Variants in AGBL4 observed in about 807,000 individuals in gnomAD.
AGBL4 encodes cytosolic carboxypeptidase 6.
A neutral mutation model predicts 66.4 loss-of-function variants in AGBL4; 58 were observed. The ratio of observed to expected loss-of-function variants is 0.87; its 90% CI spans 0.71 to 1.09. The LOEUF is 1.09. AGBL4 is among the 50% of genes least tolerant of loss of function. The probability of loss-of-function intolerance (pLI) is 0.00; values close to 1 mark genes in which losing one functional copy is unlikely to be tolerated. For missense variants in AGBL4, 579 were observed against 631.0 expected (o/e 0.92, Z 0.88); for synonymous variants, 234 against 222.9 (o/e 1.05, Z -0.44).
chr1:48,581,660 T>C (rs1312749337), intron 11 of AGBL4, among the ~76,000 whole-genome samples: 1 of 152,188 alleles, frequency 6.6e-6, no homozygotes, highest in Admixed American at 6.5e-5. Context: ...GAATTTATCA[T>C]TTCACAAAAA....
At chr1:48,718,845 T>C (rs991462240) in intron 6 of AGBL4, among the ~76,000 whole-genome samples, 1 of 152,148 alleles carries the variant, frequency 6.6e-6, no homozygotes, top group Non-Finnish European at 1.5e-5. Context: ...TGTGACACCC[T>C]AACTAAGTGC....
chr1:49,936,400 T>G (rs1163896600), intron 1 of AGBL4, among the ~76,000 whole-genome samples: 1 of 152,084 alleles, frequency 6.6e-6, no homozygotes, highest in Admixed American at 6.6e-5. Flanking sequence ...GGAACCAAGT[T>G]GGAAAACACT....
intron 6 of AGBL4, among the ~76,000 whole-genome samples, chr1:48,765,234 T>C (rs1644473139): frequency 6.6e-6 from 1 of 152,130 alleles, no homozygotes; most frequent in South Asian, 2.1e-4. Context: ...CATAGAACTA[T>C]CCATACAATA....
At chr1:48,687,436 G>A (rs1646552498) in intron 6 of AGBL4, among the ~76,000 whole-genome samples, 1 of 152,204 alleles carries the variant, frequency 6.6e-6, no homozygotes, top group African/African-American at 2.4e-5. Flanking sequence ...AGTCTGTGCT[G>A]CGGCACCCCC....
intron 2 of AGBL4, among the ~76,000 whole-genome samples, chr1:49,702,937 C>T (rs1647127993): frequency 6.6e-6 from 1 of 152,040 alleles, no homozygotes; most frequent in African/African-American, 2.4e-5. Flanking sequence ...AGGGACCTTC[C>T]TCAAACTCAT....
intron 11 of AGBL4, among the ~76,000 whole-genome samples, chr1:48,574,335 C>T (rs1644614886): frequency 6.6e-6 from 1 of 152,042 alleles, no homozygotes; most frequent in African/African-American, 2.4e-5. Flanking sequence ...CCTTCTCTGA[C>T]CCTTGAATTC....
At chr1:49,095,159 A>G (rs1290784316) in intron 4 of AGBL4, among the ~76,000 whole-genome samples, 2 of 152,228 alleles carry the variant, frequency 1.3e-5, no homozygotes, top group East Asian at 3.8e-4. Flanking sequence ...GGAGAACTAC[A>G]AACCACTGCT....
intron 4 of AGBL4, among the ~76,000 whole-genome samples, chr1:49,057,654 T>G (rs1325201247): frequency 6.6e-6 from 1 of 152,226 alleles, no homozygotes; most frequent in East Asian, 1.9e-4. Flanking sequence ...TCATCTTTTT[T>G]GTTTTAGCTG....
intron 5 of AGBL4, among the ~76,000 whole-genome samples, chr1:48,919,628 C>A (rs996409525): frequency 6.6e-6 from 1 of 152,184 alleles, no homozygotes; most frequent in Non-Finnish European, 1.5e-5. Context: ...GCAGTACTGA[C>A]AATGTGGATC....
At chr1:49,051,358 C>T (rs1365953420) in intron 4 of AGBL4, among the ~76,000 whole-genome samples, 1 of 152,146 alleles carries the variant, frequency 6.6e-6, no homozygotes, top group African/African-American at 2.4e-5. Flanking sequence ...ATGCTAAGCA[C>T]ATATTCTTCC....
intron 3 of AGBL4, among the ~76,000 whole-genome samples, chr1:49,369,436 C>A (rs760454693): frequency 5.4e-4 from 82 of 152,150 alleles, no homozygotes; most frequent in Non-Finnish European, 5.6e-4. Flanking sequence ...ATGAAACAAT[C>A]ATTTTCAGAT....
At chr1:49,048,069 T>A (rs1644123636) in intron 4 of AGBL4, among the ~76,000 whole-genome samples, 1 of 152,136 alleles carries the variant, frequency 6.6e-6, no homozygotes. Flanking sequence ...GGGGAGAATG[T>A]CTGTGAAAAT....
chr1:49,767,165 C>G (rs1176770128), intron 2 of AGBL4, among the ~76,000 whole-genome samples: 1 of 152,218 alleles, frequency 6.6e-6, no homozygotes, highest in South Asian at 2.1e-4. Context: ...TCCTTCTTAT[C>G]TGAACACTGA....
intron 4 of AGBL4, among the ~76,000 whole-genome samples, chr1:49,240,594 C>T (rs1200930643): frequency 6.9e-6 from 1 of 145,558 alleles, no homozygotes; most frequent in Non-Finnish European, 1.5e-5. Context: ...TAGTCCCTCT[C>T]ATCCTCCTTT....
intron 3 of AGBL4, among the ~76,000 whole-genome samples, chr1:49,579,343 C>T (rs917922743): frequency 6.6e-6 from 1 of 152,036 alleles, no homozygotes; most frequent in Non-Finnish European, 1.5e-5. Context: ...GTATACTTTC[C>T]TAAGTCCTCT....
intron 5 of AGBL4, among the ~76,000 whole-genome samples, chr1:48,952,041 C>T (rs1012089743): frequency 6.6e-6 from 1 of 152,160 alleles, no homozygotes; most frequent in Non-Finnish European, 1.5e-5. Context: ...TTCAAAGCTC[C>T]AGTTCTTTTT....
intron 3 of AGBL4, among the ~76,000 whole-genome samples, chr1:49,342,977 A>C (rs1022793713): frequency 1.1e-4 from 16 of 152,166 alleles, no homozygotes; most frequent in African/African-American, 3.6e-4. Context: ...TCCTGACTGG[A>C]GTCTGGTAAT....
At chr1:49,191,755 C>T (rs915300650) in intron 4 of AGBL4, among the ~76,000 whole-genome samples, 10 of 152,106 alleles carry the variant, frequency 6.6e-5, no homozygotes, top group Non-Finnish European at 1.2e-4. Flanking sequence ...GGAAAACGGC[C>T]CCCAGCTGCA....
At chr1:49,489,472 C>T (rs894784815) in intron 3 of AGBL4, among the ~76,000 whole-genome samples, 14 of 151,750 alleles carry the variant, frequency 9.2e-5, no homozygotes, top group African/African-American at 3.4e-4. Flanking sequence ...TATTTTCTCC[C>T]ATTCTGTGGT....
Sources: gnomAD v4.1 joint callset for allele counts (sites outside exome capture counted in the v4.1 genomes callset) on GRCh38, gnomAD v4.1.1 for gene constraint, MANE v1.5 for transcripts, NCBI Gene and HGNC (gene_info 2026-07-23, HGNC 2026-07-21) for gene names.